The following AGPS variants were observed in gnomAD, a reference collection of about 807,000 sequenced individuals.
AGPS encodes alkyldihydroxyacetonephosphate synthase, peroxisomal.
Under a neutral mutation model 90.7 loss-of-function variants are expected in AGPS, and 26 were observed. The ratio of observed to expected loss-of-function variants is 0.29; its 90% confidence interval spans 0.21 to 0.40. AGPS has a LOEUF of 0.40. AGPS is among the 10% of genes least tolerant of loss of function. The pLI, the probability that AGPS is intolerant of heterozygous loss-of-function variation, is 1.00. For synonymous variants in AGPS, 294 were observed against 285.3 expected, an observed-to-expected ratio of 1.03 and a Z score of -0.31; for missense variants, 540 against 816.1, an observed-to-expected ratio of 0.66 and a Z score of 4.12.
intron 3 of AGPS, among the ~76,000 whole-genome samples, chr2:177,436,370 T>A (rs1171672738): frequency 6.6e-6 from 1 of 152,062 alleles, no homozygotes; most frequent in Non-Finnish European, 1.5e-5. Flanking sequence ...CAGGATGGTC[T>A]CAATCTCCTG....
intron 8 of AGPS, among the ~76,000 whole-genome samples, chr2:177,450,963 C>CATATATATATATATATATATATAT (rs1400248543): frequency 3.5e-3 from 22 of 6,294 alleles, no homozygotes; most frequent in East Asian, 0.018. Context: ...ACATGTCTTT[C>CATATATATATATATATATATATAT]ATATATATAT....
intron 17 of AGPS, among the ~76,000 whole-genome samples, chr2:177,517,585 TAA>T (rs1173038840): frequency 6.6e-6 from 1 of 152,164 alleles, no homozygotes; most frequent in Non-Finnish European, 1.5e-5. Context: ...CTTAGTTTTT[TAA>T]AAAAGAATCC....
At chr2:177,450,724 T>C (rs1686913098) in intron 8 of AGPS, among the ~76,000 whole-genome samples, 1 of 151,986 alleles carries the variant, frequency 6.6e-6, no homozygotes, top group Non-Finnish European at 1.5e-5. Flanking sequence ...TCTAGGTTCT[T>C]TGTATTTCTA....
At chr2:177,481,911 A>G in intron 10 of AGPS, 148 bp from the exon 11 acceptor site, 1 of 688,084 alleles carries the variant, frequency 1.5e-6, no homozygotes, top group Non-Finnish European at 2.1e-6. Flanking sequence ...AATTTTTTCT[A>G]GAATGACTTG....
chr2:177,485,577 AT>A (rs1688070191), intron 11 of AGPS, among the ~76,000 whole-genome samples: 1 of 152,178 alleles, frequency 6.6e-6, no homozygotes, highest in South Asian at 2.1e-4. Flanking sequence ...ATTTAAAAAA[AT>A]TCTTAGGATG....
intron 16 of AGPS, among the ~76,000 whole-genome samples, chr2:177,509,615 G>A (rs905419834): frequency 2.7e-5 from 4 of 148,660 alleles, no homozygotes; most frequent in South Asian, 2.1e-4. Context: ...GCAGTGAGCC[G>A]AGATCATGTC....
At chr2:177,414,529 TC>T (rs920649812) in intron 1 of AGPS, among the ~76,000 whole-genome samples, 31 of 152,208 alleles carry the variant, frequency 2.0e-4, no homozygotes, top group South Asian at 2.1e-4. Context: ...AGTGCTAGTT[TC>T]TTGTGGACTA....
At chr2:177,525,815 T>C (rs559265108) in intron 19 of AGPS, among the ~76,000 whole-genome samples, 26 of 152,328 alleles carry the variant, frequency 1.7e-4, no homozygotes, top group African/African-American at 6.0e-4. Context: ...TCTGCTTCTT[T>C]AGGGTCTATG....
At chr2:177,523,554 G>GA (rs1689262515) in intron 18 of AGPS, among the ~76,000 whole-genome samples, 194 bp from the exon 19 acceptor site, 1 of 152,076 alleles carries the variant, frequency 6.6e-6, no homozygotes, top group South Asian at 2.1e-4. Context: ...CTATTCACTA[G>GA]AAAAAAACTT....
In AGPS at chr2:177,457,579, C is replaced by G. The variant is rs141194259; in HGVS notation, c.871-4314C>G. Among the ~76,000 whole-genome samples, 233 of 152,314 alleles carry G rather than the reference C, an allele frequency of 1.5e-3. 1 individual carries two copies. Among genetic ancestry groups the G allele is most frequent in the African/African-American group, 5.3e-3 (220 of 41,572 alleles). On this transcript the variant is annotated intron_variant, in intron 8 of 19. Transcript: ENST00000264167. ...CCTCTACACAAATAAACTAGAAAATCTAGAAGAAATGGATAAATTCCTGGA... is the reference window on the plus strand; with the variant it reads ...CCTCTACACAAATAAACTAGAAAATGTAGAAGAAATGGATAAATTCCTGGA...
chr2:177,432,922 C>T (rs542922925), intron 2 of AGPS, among the ~76,000 whole-genome samples: 1 of 152,232 alleles, frequency 6.6e-6, no homozygotes, highest in South Asian at 2.1e-4. Flanking sequence ...GTGCCAGGCT[C>T]TTTTTAAACA....
intron 1 of AGPS, among the ~76,000 whole-genome samples, chr2:177,411,128 A>G (rs1326838636): frequency 6.6e-6 from 1 of 152,064 alleles, no homozygotes; most frequent in Non-Finnish European, 1.5e-5. Context: ...GATCTCTATT[A>G]TAAAAAAACT....
At position 177,542,209 on chromosome 2, in the gene AGPS, C is replaced by G. The variant is rs1220932075; in HGVS notation, c.*4014C>G. 6.6e-6 allele frequency: 1 copy of G among 152,040 alleles called. No individual in the cohort carries two copies. The highest frequency in any genetic ancestry group is 2.4e-5 in the African/African-American group (1 of 41,420). The allele number at this position is 152,040 out of a possible 1,614,324, so 9.4% of individuals were successfully genotyped here. A position where few individuals can be genotyped will look rare whatever the true frequency, so the allele number is the denominator to read the frequency against. On this transcript the variant is annotated 3_prime_UTR_variant, in exon 20 of 20. Coordinates refer to ENST00000264167, the MANE Select transcript of AGPS (RefSeq NM_003659.4). ...TAATCAAGTGCAAAATCAAGTGCAA[C>G]CTACTTGTGACTAAATCTCTTTGGA...
chr2:177,485,221 G>A (rs1308487693), intron 11 of AGPS, among the ~76,000 whole-genome samples: 1 of 152,142 alleles, frequency 6.6e-6, no homozygotes, highest in Non-Finnish European at 1.5e-5. Context: ...CACAGATTTA[G>A]TACACTCATA....
At chr2:177,526,747 AAGATGCCTTT>A (rs1218133186) in intron 19 of AGPS, among the ~76,000 whole-genome samples, 1 of 152,210 alleles carries the variant, frequency 6.6e-6, no homozygotes, top group Non-Finnish European at 1.5e-5. Flanking sequence ...GAGCATTCAA[AAGATGCCTTT>A]AATAAACATG....
At chr2:177,493,889 T>C (rs1053049079) in intron 12 of AGPS, among the ~76,000 whole-genome samples, 1 of 152,044 alleles carries the variant, frequency 6.6e-6, no homozygotes, top group African/African-American at 2.4e-5. Flanking sequence ...GCAGCAGCAA[T>C]GGAGATAGAG....
chr2:177,421,128 T>A (rs1685928935), intron 2 of AGPS, among the ~76,000 whole-genome samples: 1 of 152,078 alleles, frequency 6.6e-6, no homozygotes, highest in Non-Finnish European at 1.5e-5. Context: ...TAAGCAATAC[T>A]GCCTTTGCCA....
chr2:177,526,140 TTAAC>T (rs1280681784), intron 19 of AGPS, among the ~76,000 whole-genome samples: 1 of 152,134 alleles, frequency 6.6e-6, no homozygotes, highest in Non-Finnish European at 1.5e-5. Flanking sequence ...TAAAAGTTAA[TTAAC>T]AAATAGTTAG....
At chr2:177,428,816 A>G (rs545980562) in intron 2 of AGPS, among the ~76,000 whole-genome samples, 1 of 152,142 alleles carries the variant, frequency 6.6e-6, no homozygotes, top group East Asian at 1.9e-4. Context: ...CTCATGGAGT[A>G]TCTTACTGGG....
Sources: allele counts gnomAD v4.1 joint callset (sites outside exome capture counted in the v4.1 genomes callset), GRCh38; gene constraint gnomAD v4.1.1; transcripts MANE v1.5; gene names NCBI Gene and HGNC (gene_info 2026-07-23, HGNC 2026-07-21).